MED13: variants seen among roughly 807,000 people sequenced by gnomAD.
MED13 encodes mediator complex subunit 13.
MED13 carries 23 observed loss-of-function variants against 225.2 expected under a neutral mutation model. The ratio of observed to expected loss-of-function variants is 0.10; its 90% CI spans 0.07 to 0.14. The LOEUF is 0.14. MED13 is among the 10% of genes least tolerant of loss of function. The pLI is 1.00. For missense variants in MED13, 2,197 were observed against 2,594.5 expected, an observed-to-expected ratio of 0.85 and a Z score of 3.33; for synonymous variants, 942 against 889.2, an observed-to-expected ratio of 1.06 and a Z score of -1.06.
At chr17:62,058,520 C>CAAAAAAAAAAAA (rs751957495) in intron 2 of MED13, among the ~76,000 whole-genome samples, 44 of 53,006 alleles carry the variant, frequency 8.3e-4, no homozygotes, top group East Asian at 1.1e-3. Flanking sequence ...GACTTCATCT[C>CAAAAAAAAAAAA]AAAAAAAAAA....
intron 9 of MED13, among the ~76,000 whole-genome samples, chr17:62,008,016 CAAAAAAAAAAA>C (rs60236710): frequency 4.0e-5 from 2 of 50,510 alleles, no homozygotes; most frequent in African/African-American, 6.8e-5. Flanking sequence ...GAGACTGTCT[CAAAAAAAAAAA>C]AAAAAAAAAG....
intron 5 of MED13, among the ~76,000 whole-genome samples, chr17:62,033,188 A>T (rs978285069): frequency 2.6e-5 from 4 of 152,034 alleles, no homozygotes; most frequent in Non-Finnish European, 5.9e-5. Context: ...ATAATAAAAA[A>T]ATATAAAAAA....
chr17:61,971,386 G>A (rs1394183906), intron 17 of MED13, among the ~76,000 whole-genome samples: 2 of 150,226 alleles, frequency 1.3e-5, no homozygotes, highest in African/African-American at 4.9e-5. Context: ...TGCGCCTCCC[G>A]GGTTCAAGTG....
chr17:62,033,879 G>T lies in MED13; in HGVS notation c.722C>A (p.Pro241His), dbSNP rs2080779404. 1 of 1,614,048 alleles carries T rather than the reference G, an allele frequency of 6.2e-7. No individual in the cohort carries two copies. Among genetic ancestry groups the T allele is most frequent in the Non-Finnish European group, 8.5e-7 (1 of 1,179,980 alleles). Residue 241 changes from proline (P) to histidine (H), a missense_variant, in exon 5 of 30, where the codon CCT becomes CAT. Around this residue, in one of 12 missense-constraint regions of MED13, gnomAD observed 884 missense variants for 918.5 expected, o/e 0.96. Coordinates refer to ENST00000397786, the MANE Select transcript of MED13 (RefSeq NM_005121.3). ...KLIGEWKQFY[P>H]ISCCLKEMSE... The stretch of plus-strand genomic sequence containing the variant: ...CATCTCCTTCAAGCAACATGAGATA[G>T]GATAGAACTGTTTCCATTCACCAAT...
intron 17 of MED13, among the ~76,000 whole-genome samples, chr17:61,969,995 CTA>C (rs1250725848): frequency 6.6e-6 from 1 of 152,080 alleles, no homozygotes; most frequent in Non-Finnish European, 1.5e-5. Context: ...CAAAACAAAA[CTA>C]TCTCTAACAC....
rs370202870 is a variant in MED13, at chr17:61,982,560, A to G, written c.3443T>C (p.Ile1148Thr). 1.6e-5 allele frequency: 26 copies of G among 1,614,162 alleles called. No homozygotes were observed. Among genetic ancestry groups the G allele is most frequent in the Non-Finnish European group, 2.0e-5 (24 of 1,180,024 alleles). The change falls in exon 16 of 30, where the codon ATC becomes ACC. Residue 1148 changes from isoleucine (I) to threonine (T), a missense_variant. By Grantham distance (89) the Ile-to-Thr change is moderately conservative (BLOSUM62 -1). Coordinates refer to ENST00000397786, the MANE Select transcript of MED13 (RefSeq NM_005121.3). ...GCCACAGTCTGTATTGCGTCCTATG[A>G]TATCTAGTTCATCTTCAAGAAATAA... ...SGLFLEDELDIIGRNTDCGKE... is the reference protein window; with the variant it reads ...SGLFLEDELDTIGRNTDCGKE...
At chr17:62,035,714 C>G (rs2080796828) in intron 3 of MED13, 106 bp from the exon 4 acceptor site, 1 of 1,097,296 alleles carries the variant, frequency 9.1e-7, no homozygotes, top group Non-Finnish European at 1.3e-6. Flanking sequence ...CTATTTTGCC[C>G]AAAAATTCTA....
intron 11 of MED13, among the ~76,000 whole-genome samples, chr17:61,989,968 CTGT>C (rs1286119980): frequency 3.9e-5 from 6 of 152,188 alleles, no homozygotes; most frequent in African/African-American, 1.4e-4. Context: ...AGAATCCAAA[CTGT>C]TGAATTTTCA....
intron 26 of MED13, among the ~76,000 whole-genome samples, chr17:61,954,969 G>A (rs183331266): frequency 2.8e-3 from 433 of 152,182 alleles, no homozygotes; most frequent in Non-Finnish European, 4.7e-3. Flanking sequence ...AATCAGTTTC[G>A]TTGGACTGCA....
intron 9 of MED13, among the ~76,000 whole-genome samples, chr17:62,001,134 T>C (rs1332671811): frequency 6.6e-6 from 1 of 152,126 alleles, no homozygotes; most frequent in African/African-American, 2.4e-5. Flanking sequence ...AAAAATTAAG[T>C]TTGGTAAGAT....
intron 3 of MED13, among the ~76,000 whole-genome samples, chr17:62,052,326 T>C (rs1221265654): frequency 6.6e-6 from 1 of 151,936 alleles, no homozygotes; most frequent in African/African-American, 2.4e-5. Context: ...AAATACAGCC[T>C]ATTCCTACAG....
chr17:61,997,040 T>C (rs1487809421), intron 9 of MED13, among the ~76,000 whole-genome samples: 1 of 152,218 alleles, frequency 6.6e-6, no homozygotes, highest in South Asian at 2.1e-4. Context: ...CCACTGCTTA[T>C]CTACTCTGAG....
chr17:61,973,113 A>G (rs754948245), intron 16 of MED13, among the ~76,000 whole-genome samples: 3 of 152,186 alleles, frequency 2.0e-5, no homozygotes, highest in Non-Finnish European at 4.4e-5. Context: ...AGTTACTGTA[A>G]CTTATTTCCA....
chr17:62,001,211 C>A (rs1177860662), intron 9 of MED13, among the ~76,000 whole-genome samples: 1 of 152,148 alleles, frequency 6.6e-6, no homozygotes, highest in African/African-American at 2.4e-5. Flanking sequence ...ATCTTTCTAC[C>A]TCATGAACTA....
In MED13 at chr17:62,010,851, G is replaced by C; in HGVS notation, c.1666C>G (p.Gln556Glu). 3 of 1,614,254 alleles carry C rather than the reference G, an allele frequency of 1.9e-6. No individual in the cohort carries two copies. Among genetic ancestry groups the C allele is most frequent in the South Asian group, 2.2e-5 (2 of 91,084 alleles). ...GGCATTTGATAAAAATGTTGACTCT[G>C]AGGAGTTGAAGGTGTTTTAGTCACT... ...EGVTKTPSTP[Q>E]SQHFYQMPTP... Residue 556 changes from glutamine (Q) to glutamate (E), a missense_variant, in exon 9 of 30, where the codon CAG (glutamine) becomes GAG (glutamate). This residue lies in a region of MED13 where 884 missense variants were observed against 918.5 expected (regional missense o/e 0.96). Transcript: ENST00000397786.
intron 16 of MED13, among the ~76,000 whole-genome samples, chr17:61,975,132 C>T (rs1366200152): frequency 4.7e-5 from 7 of 149,916 alleles, no homozygotes; most frequent in South Asian, 4.2e-4. Flanking sequence ...AGCAAGACCC[C>T]GTATCTTAAA....
At chr17:62,015,946 ATATATATATTTTTTTT>A (rs1454634558) in intron 8 of MED13, among the ~76,000 whole-genome samples, 2 of 13,596 alleles carry the variant, frequency 1.5e-4, no homozygotes, top group African/African-American at 2.4e-4. Context: ...ATATATATAT[ATATATATATTTTTTTT>A]TTTTTTTTTT....
At chr17:62,008,560 G>A (rs544165503) in intron 9 of MED13, among the ~76,000 whole-genome samples, 109 of 151,910 alleles carry the variant, frequency 7.2e-4, no homozygotes, top group Non-Finnish European at 1.3e-4. Context: ...AGTTCAAGGG[G>A]GAAATTATTT....
intron 17 of MED13, among the ~76,000 whole-genome samples, chr17:61,970,673 CTG>C: frequency 1.1e-5 from 1 of 88,528 alleles, no homozygotes; most frequent in African/African-American, 4.8e-5. Flanking sequence ...GAGAGTGAGA[CTG>C]TCTCAAAAAA....
Sources: gnomAD v4.1 joint callset for allele counts (sites outside exome capture counted in the v4.1 genomes callset) on GRCh38, gnomAD v4.1.1 for gene constraint, gnomAD v4.1.1 regional missense constraint, MANE v1.5 for transcripts, NCBI Gene and HGNC (gene_info 2026-07-23, HGNC 2026-07-21) for gene names.